ESR1: variants seen among roughly 807,000 people sequenced by gnomAD.
The protein encoded by ESR1 is estrogen receptor.
In ESR1, 12 loss-of-function variants were observed where a neutral mutation model predicts 52.7. The observed-to-expected ratio is 0.23, with a 90% CI of 0.15 to 0.37. ESR1 has a LOEUF of 0.37. Ranked by LOEUF, ESR1 falls within the 10% of genes least tolerant of loss-of-function variation. ESR1 has a pLI of 1.00. For missense variants in ESR1, 584 were observed against 779.7 expected, an observed-to-expected ratio of 0.75 and a Z score of 2.99; for synonymous variants, 305 against 316.8, an observed-to-expected ratio of 0.96 and a Z score of 0.39.
intron 2 of ESR1, among the ~76,000 whole-genome samples, chr6:151,730,281 A>G (rs1217031350): frequency 3.9e-5 from 6 of 151,992 alleles, no homozygotes; most frequent in Admixed American, 2.6e-4. Context: ...GCATCCTGCC[A>G]GCTTTCACAT....
chr6:151,818,844 A>C (rs1030129615), intron 1 of ESR1, among the ~76,000 whole-genome samples: 33 of 150,938 alleles, frequency 2.2e-4, no homozygotes, highest in African/African-American at 7.8e-4. Context: ...CCTGGTATAC[A>C]TATATATATA....
intron 3 of ESR1, among the ~76,000 whole-genome samples, chr6:151,925,417 G>A (rs1051383648): frequency 2.6e-5 from 4 of 152,134 alleles, no homozygotes; most frequent in African/African-American, 9.7e-5. Context: ...GACCATTCTG[G>A]CCAACATGGT....
chr6:151,800,574 C>G (rs1562416502), upstream of ESR1, among the ~76,000 whole-genome samples: 1 of 152,110 alleles, frequency 6.6e-6, no homozygotes, highest in South Asian at 2.1e-4. Flanking sequence ...AAAAAGAGCT[C>G]TCTCTTTTTC....
At chr6:152,042,767 T>G (rs1249847054) in intron 5 of ESR1, among the ~76,000 whole-genome samples, 1 of 152,192 alleles carries the variant, frequency 6.6e-6, no homozygotes, top group African/African-American at 2.4e-5. Flanking sequence ...TCAATTTCAC[T>G]TTTTAGGAAC....
Position 151,808,091 on chromosome 6 carries a change from A to G in ESR1, c.179A>G (p.Tyr60Cys), listed in dbSNP as rs1236724118. The G allele has an allele frequency of 1.2e-6, 2 of 1,612,492 alleles. No homozygotes were observed. Among genetic ancestry groups the G allele is most frequent in the East Asian group, 2.2e-5 (1 of 44,824 alleles). Residue 60 changes from tyrosine to cysteine, a missense_variant, in exon 1 of 8, where the codon TAC becomes TGC. Transcript: ENST00000206249. ...AVYNYPEGAA[Y>C]EFNAAAAANA... ...TACAACTACCCCGAGGGCGCCGCCTACGAGTTCAACGCCGCGGCCGCCGCC... is the reference window on the plus strand; with the variant it reads ...TACAACTACCCCGAGGGCGCCGCCTGCGAGTTCAACGCCGCGGCCGCCGCC...
At chr6:151,710,438 C>T (rs1462411034) in intron 2 of ESR1, among the ~76,000 whole-genome samples, 1 of 151,836 alleles carries the variant, frequency 6.6e-6, no homozygotes, top group Non-Finnish European at 1.5e-5. Context: ...ATAACAAACC[C>T]GAACCAACAA....
intron 2 of ESR1, among the ~76,000 whole-genome samples, chr6:151,761,746 C>T (rs1325635859): frequency 2.6e-5 from 4 of 152,190 alleles, no homozygotes; most frequent in Admixed American, 2.6e-4. Context: ...AATTTAAATT[C>T]TCTGGATTTC....
intron 2 of ESR1, among the ~76,000 whole-genome samples, chr6:151,847,451 A>G (rs902224059): frequency 1.3e-5 from 2 of 150,878 alleles, no homozygotes; most frequent in African/African-American, 4.9e-5. Flanking sequence ...GTGAGATGAT[A>G]TCTCATAGTG....
At chr6:151,756,390 G>A (rs1176191715) in intron 2 of ESR1, among the ~76,000 whole-genome samples, 1 of 152,202 alleles carries the variant, frequency 6.6e-6, no homozygotes, top group Non-Finnish European at 1.5e-5. Flanking sequence ...TGGGATTAGA[G>A]GCGCGTGCCA....
chr6:151,663,717 A>G (rs1273963822), intron 1 of ESR1, among the ~76,000 whole-genome samples: 2 of 152,178 alleles, frequency 1.3e-5, no homozygotes, highest in African/African-American at 4.8e-5. Context: ...TTGTTGGAGG[A>G]AAAACCTTAT....
rs1782262433 is a variant in ESR1 at position 151,731,742 on chromosome 6, C to G, written c.-71+29737C>G. Among the ~76,000 whole-genome samples the G allele has an allele frequency of 2.6e-5, 4 of 152,124 alleles. No individual in the cohort carries two copies. The South Asian group carries it at 6.2e-4, about 24-fold the overall frequency. On this transcript the variant is annotated intron_variant, in intron 2 of 2. Coordinates refer to the ESR1 transcript ENST00000404742. ...TGCAGGGTCTTTGGTTTCTAATAAC[C>G]TTTATAATTTTCTCCCTCATCAGGG...
intron 3 of ESR1, among the ~76,000 whole-genome samples, chr6:151,894,951 CA>C (rs1795251199): frequency 6.6e-6 from 1 of 151,976 alleles, no homozygotes; most frequent in Admixed American, 6.6e-5. Flanking sequence ...ATGGGAATTG[CA>C]TTGAAGTTGT....
chr6:152,079,831 A>T (rs1207300646), intron 6 of ESR1, among the ~76,000 whole-genome samples: 2 of 152,214 alleles, frequency 1.3e-5, no homozygotes, highest in South Asian at 4.1e-4. Flanking sequence ...CAGCATGAGA[A>T]CTTCGTGATG....
At chr6:151,810,849 C>T (rs540719196) in intron 1 of ESR1, among the ~76,000 whole-genome samples, 1 of 152,258 alleles carries the variant, frequency 6.6e-6, no homozygotes, top group South Asian at 2.1e-4. Context: ...ATTATATGTT[C>T]AGTAGAAAAC....
chr6:151,832,953 G>A (rs576207773), intron 1 of ESR1, among the ~76,000 whole-genome samples: 1 of 152,216 alleles, frequency 6.6e-6, no homozygotes, highest in South Asian at 2.1e-4. Flanking sequence ...GATGCACAGT[G>A]GACACGTAGT....
chr6:152,010,989 A>G (rs893363252), intron 4 of ESR1, among the ~76,000 whole-genome samples: 1 of 151,742 alleles, frequency 6.6e-6, no homozygotes, highest in African/African-American at 2.4e-5. Context: ...TTAGGTAACC[A>G]CAATATTATC....
intron 1 of ESR1, chr6:151,809,251 T>C: frequency 2.4e-6 from 1 of 415,994 alleles, no homozygotes; most frequent in Non-Finnish European, 5.2e-6. Context: ...AGGAGACCAC[T>C]TTGTGACTTC....
rs529587902 is a variant in ESR1 at position 151,676,561 on chromosome 6, G to A, written n.73+19798G>A. Among the ~76,000 whole-genome samples the A allele has an allele frequency of 3.7e-4, 57 of 152,146 alleles. 1 individual carries two copies. Among genetic ancestry groups the A allele is most frequent in the African/African-American group, 1.2e-3 (49 of 41,428 alleles). On this transcript the variant is annotated intron_variant and non_coding_transcript_variant, in intron 1 of 2. Coordinates refer to the ESR1 transcript ENST00000473497. Reference sequence around the variant, plus strand: ...TCCTGTTTACTTAATGGTCGGCTACGCTTGAAATATCATGCTCTCCCTGTG... The same window carrying A: ...TCCTGTTTACTTAATGGTCGGCTACACTTGAAATATCATGCTCTCCCTGTG...
chr6:151,862,607 T>C (rs1396363216), intron 2 of ESR1, among the ~76,000 whole-genome samples: 5 of 152,136 alleles, frequency 3.3e-5, no homozygotes, highest in African/African-American at 4.8e-5. Context: ...TTGGCCCAGC[T>C]TGGGGAGGAG....
Sources: allele counts gnomAD v4.1 joint callset (sites outside exome capture counted in the v4.1 genomes callset), GRCh38; gene constraint gnomAD v4.1.1; transcripts MANE v1.5; gene names NCBI Gene and HGNC (gene_info 2026-07-23, HGNC 2026-07-21).